NHSL1: variants seen among roughly 807,000 people sequenced by gnomAD.
NHSL1 encodes NHS-like protein 1.
A neutral mutation model predicts 95.0 loss-of-function variants in NHSL1; 48 were observed. That is an observed-to-expected ratio of 0.51 (90% confidence interval 0.40 to 0.64). NHSL1 has a LOEUF of 0.64. Ranked by LOEUF, NHSL1 falls within the 30% of genes least tolerant of loss-of-function variation. The probability of loss-of-function intolerance (pLI) is 0.00; values close to 1 mark genes in which losing one functional copy is unlikely to be tolerated. For synonymous variants in NHSL1, 783 were observed against 833.9 expected (o/e 0.94, Z 1.05); for missense variants, 1,971 against 2,077.7 (o/e 0.95, Z 1.00).
At chr6:138,425,811 AC>A (rs1167341063) in intron 7 of NHSL1, among the ~76,000 whole-genome samples, 1 of 151,878 alleles carries the variant, frequency 6.6e-6, no homozygotes, top group African/African-American at 2.4e-5. Context: ...CTCTTCCAGG[AC>A]CATGTGCCAA....
chr6:138,462,322 G>A (rs1026341685), intron 3 of NHSL1, among the ~76,000 whole-genome samples: 19 of 152,124 alleles, frequency 1.2e-4, no homozygotes, highest in Non-Finnish European at 2.5e-4. Context: ...TGCAATGAGG[G>A]GAGGATCTGA....
chr6:138,497,266 A>T (rs1165063710), intron 1 of NHSL1, among the ~76,000 whole-genome samples: 1 of 152,186 alleles, frequency 6.6e-6, no homozygotes, highest in Admixed American at 6.5e-5. Context: ...ATTCATCAAC[A>T]ATGTTTTAAT....
chr6:138,487,957 A>C (rs959075392), intron 2 of NHSL1, among the ~76,000 whole-genome samples: 1 of 152,198 alleles, frequency 6.6e-6, no homozygotes, highest in African/African-American at 2.4e-5. Flanking sequence ...TGTATAAATG[A>C]ATATAAGTAA....
At chr6:138,574,848 T>A (rs1382544025), upstream of NHSL1, among the ~76,000 whole-genome samples, 1 of 151,950 alleles carries the variant, frequency 6.6e-6, no homozygotes, top group Non-Finnish European at 1.5e-5. Flanking sequence ...TGAGACCCTA[T>A]CTCAAAAGAA....
At chr6:138,477,633 TAATA>T (rs1476310645) in intron 2 of NHSL1, among the ~76,000 whole-genome samples, 1 of 152,090 alleles carries the variant, frequency 6.6e-6, no homozygotes, top group Non-Finnish European at 1.5e-5. Flanking sequence ...AAATGACTAA[TAATA>T]AATAATTATG....
Position 138,464,715 on chromosome 6 carries a change from C to CTTTTTTTTTTTTTTTTTTTTTTT in NHSL1, c.339+8590_339+8591insAAAAAAAAAAAAAAAAAAAAAAA, listed in dbSNP as rs1157342436. Among the ~76,000 whole-genome samples, 98 of 118,960 alleles carry CTTTTTTTTTTTTTTTTTTTTTTT rather than the reference C, an allele frequency of 8.2e-4. 1 individual carries two copies. The highest frequency in any genetic ancestry group is 1.7e-3 in the African/African-American group (50 of 28,836). 78.0% of individuals were successfully genotyped at this position (118,960 alleles called of 152,430 possible). ...TTCTCTTCACTTTTTTTTTTCTTTTCTTTTTTTTTTTTTTTGAGACAGAGT... is the reference window on the plus strand; with the variant it reads ...TTCTCTTCACTTTTTTTTTTCTTTTCTTTTTTTTTTTTTTTTTTTTTTTTTTTTTTTTTTTTTTGAGACAGAGT... On this transcript the variant is annotated intron_variant, in intron 3 of 7. Transcript: ENST00000343505.
chr6:138,441,095 G>A (rs938258310), intron 5 of NHSL1, among the ~76,000 whole-genome samples: 24 of 152,172 alleles, frequency 1.6e-4, no homozygotes, highest in Non-Finnish European at 2.9e-4. Flanking sequence ...ACCCTAAGAG[G>A]TAGGTTCTAT....
At chr6:138,631,271 G>A (rs118077328) in intron 1 of NHSL1, among the ~76,000 whole-genome samples, 2,387 of 152,228 alleles carry the variant, frequency 0.016, 22 homozygotes, top group South Asian at 0.025. Context: ...CACCATAAAC[G>A]TTAAGGCAGA....
At chr6:138,675,321 C>T (rs920365438) in intron 1 of NHSL1, among the ~76,000 whole-genome samples, 1 of 152,034 alleles carries the variant, frequency 6.6e-6, no homozygotes, top group Admixed American at 6.6e-5. Context: ...TCCAAAGCTT[C>T]ACAACCACAT....
chr6:138,690,481 C>T (rs1785650253), intron 1 of NHSL1, among the ~76,000 whole-genome samples: 1 of 152,018 alleles, frequency 6.6e-6, no homozygotes, highest in Non-Finnish European at 1.5e-5. Flanking sequence ...TAGCTCACAC[C>T]TGTAATCCCA....
chr6:138,590,193 T>G (rs1055386358), intron 1 of NHSL1, among the ~76,000 whole-genome samples: 2 of 152,176 alleles, frequency 1.3e-5, no homozygotes, highest in African/African-American at 2.4e-5. Flanking sequence ...AGACAGGGTT[T>G]CACCTTGTTG....
At chr6:138,566,489 A>G (rs1199385624) in intron 1 of NHSL1, among the ~76,000 whole-genome samples, 1 of 152,054 alleles carries the variant, frequency 6.6e-6, no homozygotes, top group Non-Finnish European at 1.5e-5. Flanking sequence ...CTTAGCAAAG[A>G]CATTTTAATG....
At chr6:138,545,678 GA>G in exon 1 of NHSL1, 2 of 1,289,098 alleles carry the variant, frequency 1.6e-6, no homozygotes, top group Non-Finnish European at 2.0e-6. Context: ...TCTGTGGTCT[GA>G]TGAAGCCTGC....
At chr6:138,528,604 T>A (rs1782008528) in intron 1 of NHSL1, among the ~76,000 whole-genome samples, 1 of 152,210 alleles carries the variant, frequency 6.6e-6, no homozygotes, top group African/African-American at 2.4e-5. Flanking sequence ...TTAAACAGGA[T>A]TATCAACTGT....
At chr6:138,474,193 T>C (rs1002482925) in intron 2 of NHSL1, among the ~76,000 whole-genome samples, 8 of 152,166 alleles carry the variant, frequency 5.3e-5, no homozygotes, top group African/African-American at 1.9e-4. Flanking sequence ...AATGGCTCTT[T>C]AAAGCACCAA....
intron 1 of NHSL1, among the ~76,000 whole-genome samples, chr6:138,689,900 G>C (rs113473751): frequency 7.2e-5 from 11 of 152,024 alleles, no homozygotes; most frequent in African/African-American, 2.7e-4. Context: ...CGCCCACCTT[G>C]GTCTCCCAAA....
chr6:138,424,156 AG>A lies in NHSL1; in HGVS notation c.4745del (p.Pro1582LeufsTer21). On this transcript the variant is annotated frameshift_variant, in exon 8 of 8. Transcript: ENST00000343505. LOFTEE classifies it low-confidence loss of function (END_TRUNC). The surrounding 1 kb of genome is among the most constrained non-coding windows in gnomAD (Gnocchi z 5.9). ...AASLQPQAPG[P>X]VDGTASAEGR... Reference sequence around the variant, plus strand: ...CCTCTGCACTGGCTGTCCCATCCACAGGGCCGGGGGCCTGGGGCTGCAGGGA... The same window carrying A: ...CCTCTGCACTGGCTGTCCCATCCACAGGCCGGGGGCCTGGGGCTGCAGGGA... 6.9e-7 allele frequency: 1 copy of A among 1,445,772 alleles called. No homozygotes were observed. Among genetic ancestry groups the A allele is most frequent in the Non-Finnish European group, 9.1e-7 (1 of 1,103,290 alleles). 89.6% of individuals were successfully genotyped at this position (1,445,772 alleles called of 1,614,324 possible).
At chr6:138,608,890 G>A (rs1385173274) in intron 1 of NHSL1, among the ~76,000 whole-genome samples, 1 of 152,148 alleles carries the variant, frequency 6.6e-6, no homozygotes, top group East Asian at 1.9e-4. Context: ...TTACACGACA[G>A]GAACATTTCA....
chr6:138,570,510 T>C (rs535035575), intron 1 of NHSL1, among the ~76,000 whole-genome samples: 9 of 152,342 alleles, frequency 5.9e-5, no homozygotes, highest in Admixed American at 5.2e-4. Flanking sequence ...TCAGAATCAG[T>C]GGCTCATTGT....
Sources: gnomAD v4.1 joint callset for allele counts (sites outside exome capture counted in the v4.1 genomes callset) on GRCh38, gnomAD v4.1.1 for gene constraint, Gnocchi (gnomAD v3.1) non-coding constraint, MANE v1.5 for transcripts, NCBI Gene and HGNC (gene_info 2026-07-23, HGNC 2026-07-21) for gene names.